The following ACOT1 variants were observed in gnomAD, a reference collection of about 807,000 sequenced individuals.
The protein encoded by ACOT1 is acyl-coenzyme A thioesterase 1.
ACOT1 carries 8 observed loss-of-function variants against 15.7 expected under a neutral mutation model. The observed-to-expected ratio is 0.51, with a 90% CI of 0.30 to 0.92. ACOT1 has a LOEUF of 0.92. ACOT1 is among the 40% of genes least tolerant of loss of function. The probability of loss-of-function intolerance (pLI) is 0.06; values close to 1 mark genes in which losing one functional copy is unlikely to be tolerated. For missense variants in ACOT1, 151 were observed against 539.4 expected (o/e 0.28, Z 7.13); for synonymous variants, 67 against 241.2 (o/e 0.28, Z 6.69).
chr14:73,524,310 A>AAAATATATATAT, the ACOT1 span, among the ~76,000 whole-genome samples: 27 of 54,774 alleles, frequency 4.9e-4, no homozygotes, highest in African/African-American at 1.4e-3. Flanking sequence ...AAAAAAAAAA[A>AAAATATATATAT]ATATATATAT....
At chr14:73,505,890 C>CTTTTTT in the ACOT1 span, among the ~76,000 whole-genome samples, 4 of 113,316 alleles carry the variant, frequency 3.5e-5, no homozygotes, top group African/African-American at 6.5e-5. Flanking sequence ...ATAAACGTTT[C>CTTTTTT]TTTTTTTTTT....
the ACOT1 span, among the ~76,000 whole-genome samples, chr14:73,505,523 A>T: frequency 2.0e-5 from 3 of 151,858 alleles, no homozygotes; most frequent in Non-Finnish European, 4.4e-5. Flanking sequence ...CAGCCTTCCA[A>T]GTAGCTAGGA....
chr14:73,522,207 C>T, the ACOT1 span: 3 of 1,519,408 alleles, frequency 2.0e-6, no homozygotes, highest in Non-Finnish European at 2.7e-6. Context: ...TGTGAGTCCA[C>T]CTGGGAGTCC....
At chr14:73,518,241 G>T in the ACOT1 span, among the ~76,000 whole-genome samples, 3 of 152,006 alleles carry the variant, frequency 2.0e-5, no homozygotes, top group African/African-American at 4.8e-5. Flanking sequence ...CAACTAGCAG[G>T]CCAGGCAACC....
the ACOT1 span, among the ~76,000 whole-genome samples, chr14:73,493,655 T>C: frequency 7.5e-4 from 114 of 152,192 alleles, no homozygotes; most frequent in African/African-American, 2.6e-3. Flanking sequence ...CTGGCCAACA[T>C]GGCAAAACCC....
chr14:73,493,330 A>C, the ACOT1 span: 1 of 537,636 alleles, frequency 1.9e-6, no homozygotes, highest in Non-Finnish European at 3.4e-6. Flanking sequence ...CGGGGTCAGT[A>C]TCCTGTTTGT....
the ACOT1 span, chr14:73,500,679 CAGGT>C: frequency 6.2e-7 from 1 of 1,614,172 alleles, no homozygotes; most frequent in Non-Finnish European, 8.5e-7. Context: ...GCTCACCTAT[CAGGT>C]AGAGAGCTTC....
the ACOT1 span, chr14:73,498,264 C>T: frequency 1.9e-6 from 3 of 1,613,998 alleles, no homozygotes; most frequent in East Asian, 2.2e-5. Context: ...TCCAGCCGTA[C>T]ACCTGGTGAC....
At chr14:73,533,040 C>A (rs1347375075), upstream of ACOT1, among the ~76,000 whole-genome samples, 20 of 114,784 alleles carry the variant, frequency 1.7e-4, 3 homozygotes, top group South Asian at 2.8e-4. Flanking sequence ...CAGGAGGATC[C>A]TTTGAGCCCA....
the ACOT1 span, chr14:73,491,323 C>T: frequency 1.3e-6 from 2 of 1,500,940 alleles, no homozygotes; most frequent in South Asian, 1.3e-5. Flanking sequence ...ACCTGGGGCC[C>T]GCAGAGCTGC....
At chr14:73,502,910 A>T in the ACOT1 span, 1 of 1,612,760 alleles carries the variant, frequency 6.2e-7, no homozygotes, top group Non-Finnish European at 8.5e-7. Flanking sequence ...TATGTCGTGC[A>T]CCTCTTTCCC....
the ACOT1 span, among the ~76,000 whole-genome samples, chr14:73,505,351 G>A: frequency 6.6e-6 from 1 of 151,916 alleles, no homozygotes; most frequent in Non-Finnish European, 1.5e-5. Flanking sequence ...TCCTACCATA[G>A]TGTTAATTTT....
At chr14:73,505,258 C>T in the ACOT1 span, among the ~76,000 whole-genome samples, 2 of 152,044 alleles carry the variant, frequency 1.3e-5, no homozygotes, top group Non-Finnish European at 2.9e-5. Context: ...CCACACTAAT[C>T]TCTCTCTCTC....
the ACOT1 span, chr14:73,523,035 A>C: frequency 1.2e-5 from 19 of 1,613,850 alleles, no homozygotes; most frequent in Non-Finnish European, 1.5e-5. Context: ...ACAGAGGCAC[A>C]CTCCTCCTTG....
the ACOT1 span, chr14:73,512,201 A>G: frequency 6.3e-7 from 1 of 1,599,008 alleles, no homozygotes; most frequent in Admixed American, 1.7e-5. Context: ...AGGGTTAGAT[A>G]TTGTGCTGCA....
chr14:73,495,086 G>C, the ACOT1 span: 410 of 607,550 alleles, frequency 6.7e-4, 3 homozygotes, highest in South Asian at 0.012. Context: ...AAGACTGAGT[G>C]GATGGTAGCC....
chr14:73,495,790 C>G, the ACOT1 span, among the ~76,000 whole-genome samples: 1 of 152,112 alleles, frequency 6.6e-6, no homozygotes, highest in East Asian at 1.9e-4. Context: ...TTTTAAAGTC[C>G]TTTCCCCTCT....
the ACOT1 span, chr14:73,491,006 T>G: frequency 2.1e-6 from 3 of 1,411,412 alleles, no homozygotes; most frequent in African/African-American, 3.0e-5. Flanking sequence ...GGAAGACTGG[T>G]GTGGTCTGGC....
At chr14:73,503,282 T>G in the ACOT1 span, among the ~76,000 whole-genome samples, 1 of 152,208 alleles carries the variant, frequency 6.6e-6, no homozygotes, top group South Asian at 2.1e-4. Flanking sequence ...TCTCCCAAGC[T>G]CATCCTTTAA....
Sources: allele counts gnomAD v4.1 joint callset (sites outside exome capture counted in the v4.1 genomes callset), GRCh38; gene constraint gnomAD v4.1.1; transcripts MANE v1.5; gene names NCBI Gene and HGNC (gene_info 2026-07-23, HGNC 2026-07-21).